The following LRRC51 variants were observed in gnomAD, a reference collection of about 807,000 sequenced individuals.
LRRC51 encodes leucine rich repeat containing 51.
LRRC51 carries 8 observed loss-of-function variants against 17.8 expected under a neutral mutation model. The observed-to-expected ratio is 0.45, with a 90% CI of 0.26 to 0.81. The LOEUF (loss-of-function observed/expected upper bound fraction) is 0.81. Among genes scored for constraint, LRRC51 ranks in the 30% least tolerant of loss-of-function variants. LRRC51 has a pLI of 0.17. For missense variants in LRRC51, 233 were observed against 239.3 expected, an observed-to-expected ratio of 0.97 and a Z score of 0.17; for synonymous variants, 92 against 96.0, an observed-to-expected ratio of 0.96 and a Z score of 0.24.
intron 2 of LRRC51, 111 bp from the exon 3 acceptor site, chr11:72,088,918 A>G (rs774319309): frequency 2.1e-5 from 27 of 1,286,118 alleles, no homozygotes; most frequent in Non-Finnish European, 2.9e-5. Flanking sequence ...TAAAATGGAA[A>G]TACAGCCAGG....
At chr11:72,089,733 A>T in intron 3 of LRRC51, 2 of 478,156 alleles carry the variant, frequency 4.2e-6, no homozygotes, top group Non-Finnish European at 6.2e-6. Context: ...TTCCAGCCAA[A>T]TCCAAGTTTA....
At chr11:72,093,450 G>C in intron 3 of LRRC51, 46 bp from the exon 4 acceptor site, 1 of 1,557,104 alleles carries the variant, frequency 6.4e-7, no homozygotes, top group Non-Finnish European at 8.7e-7. Flanking sequence ...ACCCCCTAAA[G>C]CCAAAAAAGC....
intron 2 of LRRC51, 127 bp from the exon 3 acceptor site, chr11:72,088,902 A>T (rs1591144380): frequency 7.2e-6 from 8 of 1,105,950 alleles, no homozygotes; most frequent in Non-Finnish European, 1.0e-5. Flanking sequence ...GAGTGATTTC[A>T]TATCTTAAAA....
chr11:72,090,450 A>G (rs759395600), intron 3 of LRRC51, among the ~76,000 whole-genome samples: 1 of 152,124 alleles, frequency 6.6e-6, no homozygotes, highest in Non-Finnish European at 1.5e-5. Flanking sequence ...TCAACCGTTC[A>G]ATATTTACTG....
At chr11:72,084,147 C>G (rs1772796701) in intron 1 of LRRC51, among the ~76,000 whole-genome samples, 1 of 152,182 alleles carries the variant, frequency 6.6e-6, no homozygotes. Flanking sequence ...TAGGCGTGAG[C>G]TGCCATGCCT....
Position 72,089,024 on chromosome 11 carries a change from C to T in LRRC51, c.-55-5C>T. On this transcript the variant is annotated splice_region_variant and splice_polypyrimidine_tract_variant and intron_variant, in intron 2 of 5. Transcript: ENST00000289488. ...TGAAACACTGGTCTTTCTCTGTCCTCCCAGGCTGAACCCAGACTCCCAGGG... is the reference window on the plus strand; with the variant it reads ...TGAAACACTGGTCTTTCTCTGTCCTTCCAGGCTGAACCCAGACTCCCAGGG... 1 of 1,611,568 alleles carries T rather than the reference C, an allele frequency of 6.2e-7. No individual in the cohort carries two copies.
At chr11:72,090,718 A>G (rs760165288) in intron 3 of LRRC51, among the ~76,000 whole-genome samples, 3 of 152,232 alleles carry the variant, frequency 2.0e-5, no homozygotes, top group Non-Finnish European at 4.4e-5. Context: ...TTTGGAAGGC[A>G]TCTAATCTGT....
In LRRC51 at chr11:72,095,036, T is replaced by C. The variant is rs371862396; in HGVS notation, c.377T>C (p.Leu126Pro). ...RLGEVNKLAV[L>P]PRLRSLTLHG... ...GGGGAGGTGAATAAGCTGGCTGTCC[T>C]TCCTCGGCTCCGTAGCCTGACACTC... Residue 126 changes from leucine (L) to proline (P), a missense_variant, in exon 5 of 6, where the codon CTT becomes CCT. Coordinates refer to ENST00000289488, the MANE Select transcript of LRRC51 (RefSeq NM_145309.6). The C allele has an allele frequency of 6.2e-7, 1 of 1,614,018 alleles. No homozygotes were observed. Among genetic ancestry groups the C allele is most frequent in the Non-Finnish European group, 8.5e-7 (1 of 1,179,996 alleles).
In LRRC51 at chr11:72,086,693, T is replaced by A. The variant is rs112052221; in HGVS notation, c.-139-1604T>A. On this transcript the variant is annotated intron_variant, in intron 1 of 5. Transcript: ENST00000289488. ...TTTTAATACTAATCCATTCAGAAAATGCAACAGGAGCTGGTGCTACACAAA... is the reference window on the plus strand; with the variant it reads ...TTTTAATACTAATCCATTCAGAAAAAGCAACAGGAGCTGGTGCTACACAAA... Among the ~76,000 whole-genome samples, 221 of 152,288 alleles carry A rather than the reference T, an allele frequency of 1.5e-3. 1 individual carries two copies. Among genetic ancestry groups the A allele is most frequent in the African/African-American group, 5.1e-3 (212 of 41,550 alleles).
At chr11:72,083,070 G>A (rs1204408084) in intron 1 of LRRC51, among the ~76,000 whole-genome samples, 2 of 152,054 alleles carry the variant, frequency 1.3e-5, no homozygotes, top group African/African-American at 4.8e-5. Flanking sequence ...TCTCCATGTT[G>A]GTCAGGCTGG....
intron 1 of LRRC51, chr11:72,083,929 T>C (rs949177736): frequency 6.6e-6 from 1 of 152,244 alleles, no homozygotes; most frequent in East Asian, 1.9e-4. Context: ...AGGAGCCAGG[T>C]TGAATCTTGG....
Position 72,095,695 on chromosome 11 carries a change from C to T in LRRC51, c.*175C>T, listed in dbSNP as rs748965113. 3.4e-5 allele frequency: 48 copies of T among 1,395,842 alleles called. No individual in the cohort carries two copies. Among genetic ancestry groups the T allele is most frequent in the Middle Eastern group, 2.4e-4 (1 of 4,150 alleles). The allele number at this position is 1,395,842 out of a possible 1,614,324, so 86.5% of individuals were successfully genotyped here. A position where few individuals can be genotyped will look rare whatever the true frequency, so the allele number is the denominator to read the frequency against. On this transcript the variant is annotated 3_prime_UTR_variant, in exon 6 of 6. Transcript: ENST00000289488. ...TCTTTTCTTTTTTTTTTTTTTGAGACGGAGTCTCACTCTGTCACACAGGCT... is the reference window on the plus strand; with the variant it reads ...TCTTTTCTTTTTTTTTTTTTTGAGATGGAGTCTCACTCTGTCACACAGGCT...
intron 4 of LRRC51, 21 bp from the exon 5 acceptor site, chr11:72,094,927 T>A (rs576482979): frequency 6.2e-7 from 1 of 1,614,080 alleles, no homozygotes; most frequent in East Asian, 2.2e-5. Context: ...TAGCCTGGCT[T>A]TTGGTTTCCC....
At chr11:72,085,046 C>G (rs1944456935) in intron 1 of LRRC51, among the ~76,000 whole-genome samples, 1 of 152,068 alleles carries the variant, frequency 6.6e-6, no homozygotes, top group African/African-American at 2.4e-5. Flanking sequence ...AAAAACAAAA[C>G]AGTTAAAGAT....
At position 72,093,444 on chromosome 11, in the gene LRRC51, C is replaced by G. The variant is rs541843093; in HGVS notation, c.83-52C>G. On this transcript the variant is annotated intron_variant, in intron 3 of 5. Coordinates refer to ENST00000289488, the MANE Select transcript of LRRC51 (RefSeq NM_145309.6). ...TTTCCAGCTCTGTCCCTTCCCACCC[C>G]CTAAAGCCAAAAAAGCAAAGATGAT... 9.7e-6 allele frequency: 15 copies of G among 1,540,892 alleles called. No individual in the cohort carries two copies. In the South Asian group the frequency reaches 1.4e-4, roughly 15 times the overall value.
rs1944986353 is a variant in LRRC51, at chr11:72,093,549, T to C, written c.136T>C (p.Ser46Pro). ...ACTACGACCACTGAAGCGTTCAAAG[T>C]CGGGGAAATCACTGACCCAGTCCCT... ...TGLRPLKRSK[S>P]GKSLTQSLWL... The change falls in exon 4 of 6, where the codon TCG (serine) becomes CCG (proline). Residue 46 changes from serine to proline, a missense_variant. By Grantham distance (74) the Ser-to-Pro change is moderately conservative (BLOSUM62 -1). Coordinates refer to ENST00000289488, the MANE Select transcript of LRRC51 (RefSeq NM_145309.6). 6.2e-7 allele frequency: 1 copy of C among 1,614,016 alleles called. No individual in the cohort carries two copies. Among genetic ancestry groups the C allele is most frequent in the Non-Finnish European group, 8.5e-7 (1 of 1,180,020 alleles).
chr11:72,093,286 G>A (rs1361260739), intron 3 of LRRC51, among the ~76,000 whole-genome samples: 2 of 152,210 alleles, frequency 1.3e-5, no homozygotes, highest in Non-Finnish European at 2.9e-5. Context: ...AAAGCCAAGA[G>A]CTTGAGATAG....
chr11:72,088,364 T>A lies in LRRC51; in HGVS notation c.-72T>A, dbSNP rs534394852. 2 of 702,674 alleles carry A rather than the reference T, an allele frequency of 2.8e-6. No homozygotes were observed. The highest frequency in any genetic ancestry group is 5.2e-6 in the Non-Finnish European group (2 of 384,996). 43.5% of individuals were successfully genotyped at this position (702,674 alleles called of 1,614,324 possible). A position where few individuals can be genotyped will look rare whatever the true frequency, so the allele number is the denominator to read the frequency against. On this transcript the variant is annotated 5_prime_UTR_variant, in exon 2 of 6. Coordinates refer to ENST00000289488, the MANE Select transcript of LRRC51 (RefSeq NM_145309.6). ...GGAATGAATGCCTAATGGTGGAGTT[T>A]CAGCCATCAGTGACAGGTGAGTGAG...
chr11:72,082,362 C>G (rs1944282507), intron 1 of LRRC51, among the ~76,000 whole-genome samples: 1 of 152,198 alleles, frequency 6.6e-6, no homozygotes, highest in South Asian at 2.1e-4. Flanking sequence ...CCTACGCCCT[C>G]TTGCCACTGC....
Sources: gnomAD v4.1 joint callset for allele counts (sites outside exome capture counted in the v4.1 genomes callset) on GRCh38, gnomAD v4.1.1 for gene constraint, MANE v1.5 for transcripts, NCBI Gene and HGNC (gene_info 2026-07-23, HGNC 2026-07-21) for gene names.